The following GSE1 variants were observed in gnomAD, a reference collection of about 807,000 sequenced individuals.
GSE1 encodes the protein genetic suppressor element 1.
GSE1 carries 32 observed loss-of-function variants against 112.6 expected under a neutral mutation model. That is an observed-to-expected ratio of 0.28 (90% CI 0.21 to 0.38). The LOEUF is 0.38. Ranked by LOEUF, GSE1 falls within the 10% of genes least tolerant of loss-of-function variation. GSE1 has a pLI of 1.00. For synonymous variants in GSE1, 1,115 were observed against 735.6 expected (o/e 1.52, Z -8.35); for missense variants, 2,348 against 1,699.2 (o/e 1.38, Z -6.71).
At chr16:85,604,190 C>A (rs2047584290) in intron 1 of GSE1, among the ~76,000 whole-genome samples, 1 of 152,206 alleles carries the variant, frequency 6.6e-6, no homozygotes, top group Non-Finnish European at 1.5e-5. Context: ...CCTCCCCTAG[C>A]CCTAAGCAAC....
chr16:85,257,314 T>C (rs1365954207), intron 1 of GSE1, among the ~76,000 whole-genome samples: 1 of 152,172 alleles, frequency 6.6e-6, no homozygotes, highest in Admixed American at 6.5e-5. Context: ...TTCAACCACG[T>C]CAGCCAGGCT....
intron 2 of GSE1, among the ~76,000 whole-genome samples, chr16:85,516,955 G>A (rs976390340): frequency 1.4e-4 from 21 of 152,040 alleles, no homozygotes; most frequent in African/African-American, 3.9e-4. Context: ...CTGTCACCAC[G>A]CCCGGCTAAT....
Position 85,668,391 on chromosome 16 carries a change from G to A in GSE1, c.3382G>A (p.Ala1128Thr), listed in dbSNP as rs1404380146. The A allele has an allele frequency of 6.2e-7, 1 of 1,611,778 alleles. No homozygotes were observed. The highest frequency in any genetic ancestry group is 2.2e-5 in the East Asian group (1 of 44,864). Residue 1128 changes from alanine to threonine, a missense_variant, in exon 14 of 16, where the codon GCC becomes ACC. Coordinates refer to ENST00000253458, the MANE Select transcript of GSE1 (RefSeq NM_014615.5). Reference sequence around the variant, plus strand: ...CAAGCGCAAGTGGCAAGGGATCGAGGCCGTTTTTGAAGCTTACCAGGAACA... The same window carrying A: ...CAAGCGCAAGTGGCAAGGGATCGAGACCGTTTTTGAAGCTTACCAGGAACA... Reference protein sequence around the residue: ...VPKRKWQGIEAVFEAYQEHIE... With the variant: ...VPKRKWQGIETVFEAYQEHIE...
At chr16:85,465,819 G>C (rs1470610460) in intron 2 of GSE1, among the ~76,000 whole-genome samples, 1 of 152,236 alleles carries the variant, frequency 6.6e-6, no homozygotes, top group Non-Finnish European at 1.5e-5. Flanking sequence ...AAGCTACTGA[G>C]TATGTAGTAG....
chr16:85,332,969 C>G (rs565867024), intron 1 of GSE1, among the ~76,000 whole-genome samples: 2 of 152,134 alleles, frequency 1.3e-5, no homozygotes, highest in African/African-American at 4.8e-5. Context: ...CTGAACCCCC[C>G]TTGCTCCCAG....
intron 2 of GSE1, among the ~76,000 whole-genome samples, chr16:85,437,668 C>G (rs964592124): frequency 1.4e-4 from 22 of 152,190 alleles, no homozygotes; most frequent in Non-Finnish European, 2.5e-4. Flanking sequence ...TACCTGTCTC[C>G]TGCCCCACCT....
intron 2 of GSE1, among the ~76,000 whole-genome samples, chr16:85,475,854 G>A (rs2151856072): frequency 6.6e-6 from 1 of 151,194 alleles, no homozygotes; most frequent in South Asian, 2.1e-4. Flanking sequence ...AAGCTCCTGG[G>A]CTCAAGTGAT....
chr16:85,230,584 C>G (rs1046194764), intron 1 of GSE1, among the ~76,000 whole-genome samples: 2 of 152,216 alleles, frequency 1.3e-5, no homozygotes, highest in Non-Finnish European at 2.9e-5. Context: ...CCAGCAGGCT[C>G]TCCTCGCATG....
intron 2 of GSE1, among the ~76,000 whole-genome samples, chr16:85,442,811 A>G (rs2049411236): frequency 6.6e-6 from 1 of 152,162 alleles, no homozygotes; most frequent in Admixed American, 6.5e-5. Context: ...ACAGGAATGC[A>G]TCTCTCACGG....
intron 1 of GSE1, among the ~76,000 whole-genome samples, chr16:85,279,283 A>T (rs923864192): frequency 6.6e-6 from 1 of 152,180 alleles, no homozygotes; most frequent in African/African-American, 2.4e-5. Flanking sequence ...AATACCTTCT[A>T]CCATGCAAGC....
intron 2 of GSE1, among the ~76,000 whole-genome samples, chr16:85,397,700 A>G (rs2048000420): frequency 1.3e-5 from 2 of 152,246 alleles, no homozygotes; most frequent in African/African-American, 4.8e-5. Context: ...GACGCGCGTC[A>G]GCCTCACACC....
intron 2 of GSE1, among the ~76,000 whole-genome samples, chr16:85,398,618 T>C (rs973935372): frequency 1.3e-5 from 2 of 152,090 alleles, no homozygotes; most frequent in Non-Finnish European, 2.9e-5. Flanking sequence ...GACAAACCGC[T>C]GCATGACTCT....
Position 85,661,783 on chromosome 16 carries a change from C to A in GSE1, c.2260+18C>A, listed in dbSNP as rs1390491009. On this transcript the variant is annotated intron_variant, in intron 9 of 15. Coordinates refer to ENST00000253458, the MANE Select transcript of GSE1 (RefSeq NM_014615.5). ...GGAGAAAGGTCTGCCTCCCCGCGGG[C>A]CCCGAGCTGCTCAGGGAGAGCCGCA... The A allele has an allele frequency of 6.7e-7, 1 of 1,485,984 alleles. No individual in the cohort carries two copies. The highest frequency in any genetic ancestry group is 2.5e-5 in the East Asian group (1 of 40,456). 92.0% of individuals were successfully genotyped at this position (1,485,984 alleles called of 1,614,324 possible).
intron 2 of GSE1, among the ~76,000 whole-genome samples, chr16:85,512,268 C>A (rs2051772493): frequency 6.6e-6 from 1 of 152,144 alleles, no homozygotes; most frequent in Admixed American, 6.5e-5. Flanking sequence ...CAGCTGTGAC[C>A]CAGAGGGAAC....
intron 2 of GSE1, among the ~76,000 whole-genome samples, chr16:85,482,977 C>CAAAAAAAAAAAAAAAAAAAA (rs3054201): frequency 9.1e-4 from 44 of 48,212 alleles, no homozygotes; most frequent in African/African-American, 3.0e-3. Flanking sequence ...GACTCCGTCT[C>CAAAAAAAAAAAAAAAAAAAA]AAAAAAAAAA....
chr16:85,351,385 A>G (rs1016006903), intron 1 of GSE1, among the ~76,000 whole-genome samples: 1 of 152,212 alleles, frequency 6.6e-6, no homozygotes, highest in African/African-American at 2.4e-5. Flanking sequence ...GCTAACTTTA[A>G]AAAGAAGGCA....
intron 1 of GSE1, among the ~76,000 whole-genome samples, chr16:85,351,672 T>C (rs1371734462): frequency 1.3e-5 from 2 of 152,044 alleles, no homozygotes; most frequent in Non-Finnish European, 2.9e-5. Context: ...AGTATGTGAG[T>C]TGTATCTCAA....
At chr16:85,667,791 G>C (rs2052993421) in intron 13 of GSE1, among the ~76,000 whole-genome samples, 2 of 152,156 alleles carry the variant, frequency 1.3e-5, no homozygotes, top group South Asian at 4.1e-4. Flanking sequence ...CCTGGGAGGG[G>C]AAGTTGCAGT....
chr16:85,245,090 A>G (rs574156345), intron 1 of GSE1, among the ~76,000 whole-genome samples: 4 of 152,086 alleles, frequency 2.6e-5, no homozygotes, highest in Admixed American at 6.6e-5. Flanking sequence ...TGAGCCCAGG[A>G]GTTCAGGGCT....
Sources: gnomAD v4.1 joint callset for allele counts (sites outside exome capture counted in the v4.1 genomes callset) on GRCh38, gnomAD v4.1.1 for gene constraint, MANE v1.5 for transcripts, NCBI Gene and HGNC (gene_info 2026-07-23, HGNC 2026-07-21) for gene names.